Variants in CRYBA4 observed in about 807,000 individuals in gnomAD.
CRYBA4 encodes the protein beta-crystallin A4.
A neutral mutation model predicts 31.7 loss-of-function variants in CRYBA4; 30 were observed. The ratio of observed to expected loss-of-function variants is 0.95; its 90% CI spans 0.71 to 1.28. The LOEUF is 1.28. Among genes scored for constraint, CRYBA4 ranks in the 50% most tolerant of loss-of-function variants. The probability of loss-of-function intolerance (pLI) is 0.00; values close to 1 mark genes in which losing one functional copy is unlikely to be tolerated. For missense variants in CRYBA4, 225 were observed against 260.7 expected (o/e 0.86, Z 0.94); for synonymous variants, 102 against 102.3 (o/e 1.00, Z 0.02).
upstream of CRYBA4, among the ~76,000 whole-genome samples, chr22:26,619,272 G>A (rs537766171): frequency 1.2e-3 from 188 of 152,256 alleles, no homozygotes; most frequent in African/African-American, 4.1e-3. Flanking sequence ...GTGAAGGAGC[G>A]AGAGACGGAG....
the CRYBA4 span, among the ~76,000 whole-genome samples, chr22:26,611,450 GTTTGTTTTTTTTTTT>G: frequency 2.1e-5 from 3 of 145,158 alleles, no homozygotes; most frequent in African/African-American, 5.0e-5. Context: ...ATGGGCTAGA[GTTTGTTTTTTTTTTT>G]TTTGTTTTTT....
the CRYBA4 span, among the ~76,000 whole-genome samples, chr22:26,608,850 C>T: frequency 2.8e-3 from 419 of 152,014 alleles, no homozygotes; most frequent in African/African-American, 9.3e-3. Flanking sequence ...CCTCAGATAC[C>T]TATGGTAATA....
At chr22:26,613,705 A>ATG in the CRYBA4 span, among the ~76,000 whole-genome samples, 1 of 152,166 alleles carries the variant, frequency 6.6e-6, no homozygotes, top group Non-Finnish European at 1.5e-5. Flanking sequence ...ATTGTACAGC[A>ATG]TGTGTGTTTG....
the CRYBA4 span, among the ~76,000 whole-genome samples, chr22:26,603,230 T>C: frequency 4.4e-3 from 672 of 151,712 alleles, 2 homozygotes; most frequent in Non-Finnish European, 6.5e-3. Flanking sequence ...AGTTTGTTCA[T>C]CTGTAGAATG....
At chr22:26,601,848 G>C in the CRYBA4 span, 2 of 1,611,430 alleles carry the variant, frequency 1.2e-6, no homozygotes, top group Non-Finnish European at 8.5e-7. Flanking sequence ...CTTGAAGCAG[G>C]GGACGCGGAC....
chr22:26,625,531 A>G lies in CRYBA4; in HGVS notation c.209A>G (p.Glu70Gly). Reference sequence around the variant, plus strand: ...TTCCAAGGGCAGCAGTACATTCTGGAACGAGGCGAATATCCAAGCTGGGAT... The same window carrying G: ...TTCCAAGGGCAGCAGTACATTCTGGGACGAGGCGAATATCCAAGCTGGGAT... ...AGFQGQQYIL[E>G]RGEYPSWDAW... is the part of the protein sequence containing the mutation. The change falls in exon 4 of 6, where the codon GAA (glutamate) becomes GGA (glycine). Residue 70 changes from glutamate to glycine, a missense_variant. Transcript: ENST00000354760. 6.2e-7 allele frequency: 1 copy of G among 1,614,070 alleles called. No individual in the cohort carries two copies. The highest frequency in any genetic ancestry group is 8.5e-7 in the Non-Finnish European group (1 of 1,180,012).
At chr22:26,618,722 G>C (rs888847920), upstream of CRYBA4, among the ~76,000 whole-genome samples, 1 of 152,222 alleles carries the variant, frequency 6.6e-6, no homozygotes, top group East Asian at 1.9e-4. Context: ...TTCTCCTGCT[G>C]TCCAGCCTTG....
the CRYBA4 span, among the ~76,000 whole-genome samples, chr22:26,615,706 G>C: frequency 6.6e-6 from 1 of 152,050 alleles, no homozygotes; most frequent in African/African-American, 2.4e-5. Context: ...TAGAGACAGG[G>C]TTTCACCATG....
chr22:26,618,313 A>G (rs895881986), upstream of CRYBA4, among the ~76,000 whole-genome samples: 1 of 152,082 alleles, frequency 6.6e-6, no homozygotes, highest in Non-Finnish European at 1.5e-5. Context: ...GGCTGCCAAC[A>G]TGGGGCAGGG....
the CRYBA4 span, among the ~76,000 whole-genome samples, chr22:26,603,744 AAATACAAAATAATAAT>A: frequency 8.1e-6 from 1 of 122,804 alleles, no homozygotes; most frequent in Non-Finnish European, 1.7e-5. Context: ...TCTCTACTAA[AAATACAAAATAATAAT>A]AATAATAATA....
At chr22:26,626,131 G>C (rs990588189) in intron 4 of CRYBA4, among the ~76,000 whole-genome samples, 5 of 152,180 alleles carry the variant, frequency 3.3e-5, no homozygotes, top group African/African-American at 1.2e-4. Context: ...GCTGGGCATG[G>C]TGGCTCACAC....
At position 26,622,505 on chromosome 22, in the gene CRYBA4, C is replaced by T. The variant is rs1929562791; in HGVS notation, c.-12-80C>T. ...CCTGGACTCCCTATGTGGATCCTGA[C>T]CAGGTCCAAGCCAGCCATCTGCATA... On this transcript the variant is annotated intron_variant, in intron 1 of 5. Transcript: ENST00000354760. 3 of 1,269,596 alleles carry T rather than the reference C, an allele frequency of 2.4e-6. No individual in the cohort carries two copies. The Admixed American group carries it at 5.0e-5, about 21-fold the overall frequency. The allele number at this position is 1,269,596 out of a possible 1,614,324, so 78.6% of individuals were successfully genotyped here.
chr22:26,625,443 G>T (rs771650483), intron 3 of CRYBA4, 38 bp from the exon 4 acceptor site: 1 of 1,610,852 alleles, frequency 6.2e-7, no homozygotes, highest in Non-Finnish European at 8.5e-7. Flanking sequence ...GGGTGAGGGG[G>T]ACGCTTACCT....
At chr22:26,607,832 T>TA in the CRYBA4 span, 3 of 1,612,652 alleles carry the variant, frequency 1.9e-6, no homozygotes, top group African/African-American at 1.3e-5. Context: ...ATCTCAGACT[T>TA]ACACCTGCCC....
At chr22:26,612,076 C>T in the CRYBA4 span, 1 of 1,611,286 alleles carries the variant, frequency 6.2e-7, no homozygotes, top group South Asian at 1.1e-5. Flanking sequence ...ACTCACGGTC[C>T]CGCGGAGACA....
intron 3 of CRYBA4, 105 bp from the exon 4 acceptor site, chr22:26,625,376 A>T: frequency 7.6e-7 from 1 of 1,321,888 alleles, no homozygotes; most frequent in Non-Finnish European, 1.1e-6. Context: ...GGGCACAGTC[A>T]CCCCTGAATG....
At chr22:26,607,318 G>T in the CRYBA4 span, among the ~76,000 whole-genome samples, 1 of 152,056 alleles carries the variant, frequency 6.6e-6, no homozygotes, top group South Asian at 2.1e-4. Flanking sequence ...CACCATGCCC[G>T]GCTACAATAT....
the CRYBA4 span, chr22:26,599,208 T>C: frequency 6.5e-6 from 3 of 460,748 alleles, no homozygotes; most frequent in Admixed American, 7.1e-5. Flanking sequence ...AGCAAACTCC[T>C]TGACGGCAGG....
At chr22:26,611,469 GT>G in the CRYBA4 span, among the ~76,000 whole-genome samples, 36,409 of 133,018 alleles carry the variant, frequency 0.27, 4,430 homozygotes, top group Non-Finnish European at 0.32. Flanking sequence ...TTTTTTTTTT[GT>G]TTTTTTTTTT....
Sources: allele counts gnomAD v4.1 joint callset (sites outside exome capture counted in the v4.1 genomes callset), GRCh38; gene constraint gnomAD v4.1.1; transcripts MANE v1.5; gene names NCBI Gene and HGNC (gene_info 2026-07-23, HGNC 2026-07-21).